Variants in OR7C1 observed in about 807,000 individuals in gnomAD.
OR7C1 encodes olfactory receptor family 7 subfamily C member 1.
For missense variants in OR7C1, 324 were observed against 383.3 expected, an observed-to-expected ratio of 0.85 and a Z score of 1.29; for synonymous variants, 152 against 160.7, an observed-to-expected ratio of 0.95 and a Z score of 0.41.
At chr19:14,821,023 G>A (rs60354254) in intron 1 of OR7C1, among the ~76,000 whole-genome samples, 6,636 of 152,150 alleles carry the variant, frequency 0.044, 233 homozygotes, top group African/African-American at 0.092. Flanking sequence ...GGAGGCTGAG[G>A]TGGGTGGATC....
chr19:14,814,615 G>A (rs2044707763), intron 1 of OR7C1, among the ~76,000 whole-genome samples: 1 of 152,116 alleles, frequency 6.6e-6, no homozygotes, highest in East Asian at 1.9e-4. Flanking sequence ...GTAGAGACGG[G>A]GGTTTCACCA....
At chr19:14,818,575 CTT>C (rs1347755450) in intron 1 of OR7C1, among the ~76,000 whole-genome samples, 3 of 152,142 alleles carry the variant, frequency 2.0e-5, no homozygotes, top group South Asian at 4.1e-4. Flanking sequence ...TGCAAACAGT[CTT>C]TGCGAGATCT....
Position 14,799,823 on chromosome 19 carries a change from GT to G in OR7C1, c.313del (p.Thr105LeufsTer11). 1 of 1,613,346 alleles carries G rather than the reference GT, an allele frequency of 6.2e-7. No homozygotes were observed. Among genetic ancestry groups the G allele is most frequent in the Non-Finnish European group, 8.5e-7 (1 of 1,179,824 alleles). On this transcript the variant is annotated frameshift_variant, in exon 5 of 5. Coordinates refer to ENST00000641666, the Ensembl canonical transcript of OR7C1. LOFTEE classifies it low-confidence loss of function (END_TRUNC). ...TAAATTGTCCAGGCATCCAAATGAA[GT>G]GAAAAAAAAAATCTGACTGAGACAG...
chr19:14,817,945 T>A (rs1463224801), intron 1 of OR7C1, among the ~76,000 whole-genome samples: 2 of 152,172 alleles, frequency 1.3e-5, no homozygotes, highest in Non-Finnish European at 2.9e-5. Context: ...TTTTAAAATA[T>A]TTTTAATATT....
At chr19:14,812,402 G>T (rs2044695469) in intron 1 of OR7C1, among the ~76,000 whole-genome samples, 1 of 152,196 alleles carries the variant, frequency 6.6e-6, no homozygotes, top group Admixed American at 6.5e-5. Context: ...ATCAACTCAT[G>T]ACTTAGAAAC....
chr19:14,813,770 C>T (rs2044703262), intron 1 of OR7C1, among the ~76,000 whole-genome samples: 1 of 152,016 alleles, frequency 6.6e-6, no homozygotes, highest in Non-Finnish European at 1.5e-5. Context: ...AACTCACTCA[C>T]TATCACAAGC....
At chr19:14,827,856 G>A in intron 1 of OR7C1, 1 of 1,614,174 alleles carries the variant, frequency 6.2e-7, no homozygotes, top group Non-Finnish European at 8.5e-7. Context: ...GTAGTGCAGG[G>A]GGTGACAGAT....
At chr19:14,812,195 G>A (rs2044693949) in intron 1 of OR7C1, among the ~76,000 whole-genome samples, 1 of 152,206 alleles carries the variant, frequency 6.6e-6, no homozygotes, top group Non-Finnish European at 1.5e-5. Context: ...TCTCTTAGGG[G>A]CTACACTTAG....
rs149218672 is a variant in OR7C1, at chr19:14,799,814, C to T, written c.323G>A (p.Gly108Glu). Residue 108 changes from glycine to glutamate, a missense_variant, in exon 5 of 5, where the codon GGA becomes GAA. By Grantham distance (98) the Gly-to-Glu change is moderately conservative (BLOSUM62 -2). Transcript: ENST00000641666. The stretch of plus-strand genomic sequence containing the variant: ...GGTCAAGAGTAAATTGTCCAGGCAT[C>T]CAAATGAAGTGAAAAAAAAAATCTG... 17 of 1,613,400 alleles carry T rather than the reference C, an allele frequency of 1.1e-5. No homozygotes were observed. The African/African-American group carries it at 2.1e-4, about 20-fold the overall frequency.
At position 14,799,833 on chromosome 19, in the gene OR7C1, A is replaced by G. The variant is rs760793170; in HGVS notation, c.304T>C (p.Phe102Leu). 4.3e-6 allele frequency: 7 copies of G among 1,614,042 alleles called. No homozygotes were observed. The Admixed American group carries it at 5.0e-5, about 12-fold the overall frequency. The change falls in exon 5 of 5, where the codon TTT (phenylalanine) becomes CTT (leucine). Residue 102 changes from phenylalanine to leucine, a missense_variant. Physicochemically the swap from Phe to Leu is conservative, Grantham distance 22. Transcript: ENST00000641666. ...AGGCATCCAAATGAAGTGAAAAAAA[A>G]AATCTGACTGAGACAGCCTGCATAT... is the stretch of plus-strand genomic sequence containing the variant.
chr19:14,813,872 G>T lies in OR7C1; in HGVS notation c.-622-3879C>A, dbSNP rs538390214. Among the ~76,000 whole-genome samples, 23 of 152,126 alleles carry T rather than the reference G, an allele frequency of 1.5e-4. No homozygotes were observed. In the East Asian group the frequency reaches 3.5e-3, roughly 23 times the overall value. Reference sequence around the variant, plus strand: ...GGGATTACAATTTGAGATGAGATTTGGGTAGGGACACTGAGCCATACCATA... The same window carrying T: ...GGGATTACAATTTGAGATGAGATTTTGGTAGGGACACTGAGCCATACCATA... On this transcript the variant is annotated intron_variant, in intron 1 of 4. Coordinates refer to ENST00000641666, the Ensembl canonical transcript of OR7C1.
At chr19:14,799,588 T>C (rs1421944196) in exon 5 of OR7C1, 1 of 1,614,174 alleles carries the variant, frequency 6.2e-7, no homozygotes. Flanking sequence ...GCTTCAGGAC[T>C]TCAAGTAGAT....
At chr19:14,831,773 T>C (rs982507799) in intron 1 of OR7C1, among the ~76,000 whole-genome samples, 2 of 152,024 alleles carry the variant, frequency 1.3e-5, no homozygotes, top group African/African-American at 2.4e-5. Context: ...ACTTGTGGAC[T>C]TTGAATTTTG....
Position 14,820,249 on chromosome 19 carries a change from A to G in OR7C1, c.-622-10256T>C, listed in dbSNP as rs149230761. ...TTAGAATTTTATTCAGTTTTGTTCA[A>G]TGTGGTTGTTTTGAATCCACCTTAT... On this transcript the variant is annotated intron_variant, in intron 1 of 4. Coordinates refer to ENST00000641666, the Ensembl canonical transcript of OR7C1. Among the ~76,000 whole-genome samples the G allele has an allele frequency of 5.6e-3, 860 of 152,222 alleles. 13 individuals carry two copies. Among genetic ancestry groups the G allele is most frequent in the African/African-American group, 0.019 (806 of 41,530 alleles).
chr19:14,828,536 G>A (rs770549332), intron 1 of OR7C1, among the ~76,000 whole-genome samples: 28 of 151,998 alleles, frequency 1.8e-4, no homozygotes, highest in Admixed American at 7.2e-4. Context: ...CAAAGCAGGC[G>A]GATCACGAGG....
chr19:14,833,206 C>CGGT (rs2044851042), intron 1 of OR7C1, among the ~76,000 whole-genome samples: 1 of 152,216 alleles, frequency 6.6e-6, no homozygotes, highest in East Asian at 1.9e-4. Flanking sequence ...CGGCCAGGTA[C>CGGT]GGTGGCTCAT....
In OR7C1 at chr19:14,802,384, G is replaced by C. The variant is rs538166025; in HGVS notation, c.-434-1620C>G. ...ATAACACAAAAATGAGCTGGGCGTG[G>C]TGGCACACGCCTGTAATCCCAGCTA... On this transcript the variant is annotated intron_variant, in intron 2 of 4. Coordinates refer to ENST00000641666, the Ensembl canonical transcript of OR7C1. Among the ~76,000 whole-genome samples, 168 of 152,316 alleles carry C rather than the reference G, an allele frequency of 1.1e-3. 4 individuals carry two copies. In the South Asian group the frequency reaches 0.032, roughly 29 times the overall value.
At chr19:14,815,983 A>G (rs1284345304) in intron 1 of OR7C1, among the ~76,000 whole-genome samples, 1 of 152,110 alleles carries the variant, frequency 6.6e-6, no homozygotes, top group Non-Finnish European at 1.5e-5. Context: ...CACCATGCCC[A>G]GTTAATTTTG....
At chr19:14,828,127 C>T (rs752560887) in intron 1 of OR7C1, 1 of 1,614,092 alleles carries the variant, frequency 6.2e-7, no homozygotes, top group East Asian at 2.2e-5. Flanking sequence ...TTCCCGAGCA[C>T]AGTGACCAGG....
Sources: allele counts gnomAD v4.1 joint callset (sites outside exome capture counted in the v4.1 genomes callset), GRCh38; gene constraint gnomAD v4.1.1; transcripts MANE v1.5; gene names NCBI Gene and HGNC (gene_info 2026-07-23, HGNC 2026-07-21).